The following NAV2 variants were observed in gnomAD, a reference collection of about 807,000 sequenced individuals.
NAV2 encodes neuron navigator 2, also known as helicase, APC down-regulated 1.
Under a neutral mutation model 223.2 loss-of-function variants are expected in NAV2, and 54 were observed. The observed-to-expected ratio is 0.24, with a 90% CI of 0.19 to 0.30. The LOEUF is 0.30. Among genes scored for constraint, NAV2 ranks in the 10% least tolerant of loss-of-function variants. NAV2 has a pLI of 1.00. For synonymous variants in NAV2, 1,279 were observed against 1,239.3 expected, an observed-to-expected ratio of 1.03 and a Z score of -0.67; for missense variants, 2,806 against 3,147.5, an observed-to-expected ratio of 0.89 and a Z score of 2.60.
At chr11:20,028,279 G>GGGATCC (rs1277674262) in intron 11 of NAV2, among the ~76,000 whole-genome samples, 1 of 152,158 alleles carries the variant, frequency 6.6e-6, no homozygotes, top group Non-Finnish European at 1.5e-5. Context: ...TCCTGACACG[G>GGGATCC]TGATGTCAGC....
At chr11:19,650,795 T>G (rs542853779) in intron 1 of NAV2, among the ~76,000 whole-genome samples, 9 of 152,098 alleles carry the variant, frequency 5.9e-5, no homozygotes, top group Admixed American at 1.3e-4. Context: ...CTCAAAAACA[T>G]GCTGAGAGAT....
chr11:20,098,880 C>T (rs2061453716), intron 31 of NAV2, among the ~76,000 whole-genome samples: 1 of 152,228 alleles, frequency 6.6e-6, no homozygotes, highest in African/African-American at 2.4e-5. Flanking sequence ...CAGGACCAGG[C>T]CTGCCTCAGC....
rs555897765 is a variant in NAV2, at chr11:20,091,117, T to C, written c.5652+99T>C. ...CCCTGAGGGCTGCATCAGAATCTGG[T>C]GGCGGCCCTCGCTTTCCCAGCCTTT... On this transcript the variant is annotated intron_variant, in intron 27 of 37. Coordinates refer to ENST00000349880, the MANE Select transcript of NAV2 (RefSeq NM_145117.5). The C allele has an allele frequency of 1.4e-4, 186 of 1,305,684 alleles. 1 individual carries two copies. In the East Asian group the frequency reaches 3.9e-3, roughly 28 times the overall value. 80.9% of individuals were successfully genotyped at this position (1,305,684 alleles called of 1,614,324 possible). A position where few individuals can be genotyped will look rare whatever the true frequency, so the allele number is the denominator to read the frequency against.
intron 1 of NAV2, among the ~76,000 whole-genome samples, chr11:19,536,261 G>T (rs936561189): frequency 2.0e-5 from 3 of 152,184 alleles, no homozygotes; most frequent in Admixed American, 1.3e-4. Context: ...GCTAGTCAGA[G>T]GCCCAGCTGA....
chr11:19,829,188 G>A lies in NAV2; in HGVS notation c.268-3296G>A, dbSNP rs142096803. Among the ~76,000 whole-genome samples, 44 of 152,302 alleles carry A rather than the reference G, an allele frequency of 2.9e-4. No individual in the cohort carries two copies. The East Asian group carries it at 7.3e-3, about 25-fold the overall frequency. On this transcript the variant is annotated intron_variant, in intron 1 of 37. Transcript: ENST00000349880. ...CACTCAGCTGATGTTTTAGGTGCAC[G>A]TGGCTTTAAACTGTAAACTTCATGG...
chr11:19,623,531 A>C (rs935149238), intron 1 of NAV2, among the ~76,000 whole-genome samples: 1 of 152,138 alleles, frequency 6.6e-6, no homozygotes, highest in Admixed American at 6.5e-5. Context: ...TTAATCACTG[A>C]TACCCTTTCT....
At chr11:19,476,069 G>A (rs2042105675) in intron 1 of NAV2, among the ~76,000 whole-genome samples, 1 of 152,260 alleles carries the variant, frequency 6.6e-6, no homozygotes, top group South Asian at 2.1e-4. Flanking sequence ...CCGCCTCCTG[G>A]GTTCAAGCAG....
chr11:19,799,240 C>T (rs2058088279), intron 1 of NAV2, among the ~76,000 whole-genome samples: 1 of 152,224 alleles, frequency 6.6e-6, no homozygotes, highest in Admixed American at 6.5e-5. Context: ...TCTTCAAGAA[C>T]TCCAGGGATT....
intron 31 of NAV2, among the ~76,000 whole-genome samples, chr11:20,097,956 A>G (rs1271222165): frequency 6.6e-6 from 1 of 152,178 alleles, no homozygotes; most frequent in Non-Finnish European, 1.5e-5. Flanking sequence ...TATTGCTGCA[A>G]TTATCTAACA....
intron 1 of NAV2, among the ~76,000 whole-genome samples, chr11:19,560,462 G>T (rs919210794): frequency 6.6e-6 from 1 of 152,250 alleles, no homozygotes; most frequent in African/African-American, 2.4e-5. Flanking sequence ...CAGTGTCTTC[G>T]CCTTTATAAC....
chr11:19,799,907 T>C (rs1465096189), intron 1 of NAV2, among the ~76,000 whole-genome samples: 1 of 152,150 alleles, frequency 6.6e-6, no homozygotes, highest in Admixed American at 6.5e-5. Flanking sequence ...ACTTTCATCA[T>C]TTAGGAGGCT....
intron 1 of NAV2, among the ~76,000 whole-genome samples, chr11:19,807,549 C>T (rs552896010): frequency 1.3e-5 from 2 of 152,346 alleles, no homozygotes; most frequent in East Asian, 1.9e-4. Context: ...AGGCCAATCC[C>T]AGCCTGGAAC....
chr11:19,945,583 G>A (rs145767688), intron 8 of NAV2, among the ~76,000 whole-genome samples: 126 of 152,248 alleles, frequency 8.3e-4, no homozygotes, highest in South Asian at 1.4e-3. Flanking sequence ...GGGCTCAAGC[G>A]ATCTGCCCAC....
intron 1 of NAV2, among the ~76,000 whole-genome samples, chr11:19,445,794 G>A (rs1024180827): frequency 1.3e-5 from 2 of 150,386 alleles, no homozygotes; most frequent in East Asian, 3.9e-4. Flanking sequence ...AAGGGAGATG[G>A]AGGGAAGTTA....
At chr11:19,937,799 CT>C (rs1175364302) in intron 7 of NAV2, among the ~76,000 whole-genome samples, 1 of 152,212 alleles carries the variant, frequency 6.6e-6, no homozygotes, top group African/African-American at 2.4e-5. Flanking sequence ...TTGAACTAAC[CT>C]TTGCCTCTGA....
rs571096570 is a variant in NAV2, at chr11:19,623,487, C to A, written c.76-208997C>A. On this transcript the variant is annotated intron_variant, in intron 1 of 37. Transcript: ENST00000360655. ...TTCTTTTTACTCTTTTTTCTCTAAACTTCTCTTCTCACTTCATTTCATTCA... is the reference window on the plus strand; with the variant it reads ...TTCTTTTTACTCTTTTTTCTCTAAAATTCTCTTCTCACTTCATTTCATTCA... Among the ~76,000 whole-genome samples the A allele has an allele frequency of 4.1e-4, 63 of 152,228 alleles. 1 individual carries two copies. Among genetic ancestry groups the A allele is most frequent in the African/African-American group, 1.4e-3 (60 of 41,544 alleles).
chr11:20,090,332 G>A (rs979851043), intron 26 of NAV2, among the ~76,000 whole-genome samples: 2 of 152,144 alleles, frequency 1.3e-5, no homozygotes, highest in Non-Finnish European at 2.9e-5. Flanking sequence ...TATCAAACTG[G>A]AAGGTTACTA....
At chr11:19,569,297 GGCTCA>G in intron 1 of NAV2, among the ~76,000 whole-genome samples, 1 of 152,138 alleles carries the variant, frequency 6.6e-6, no homozygotes, top group Admixed American at 6.5e-5. Context: ...CATTTTGCAG[GGCTCA>G]GCTCAAATGC....
At chr11:19,490,971 A>G (rs114769093) in intron 1 of NAV2, among the ~76,000 whole-genome samples, 3,744 of 152,310 alleles carry the variant, frequency 0.025, 56 homozygotes, top group Middle Eastern at 0.037. Context: ...GTACACCTCC[A>G]TCAGAGCTTT....
Sources: gnomAD v4.1 joint callset for allele counts (sites outside exome capture counted in the v4.1 genomes callset) on GRCh38, gnomAD v4.1.1 for gene constraint, MANE v1.5 for transcripts, NCBI Gene and HGNC (gene_info 2026-07-23, HGNC 2026-07-21) for gene names.